EPHA4: variants seen among roughly 807,000 people sequenced by gnomAD.
EPHA4 encodes the protein EPH receptor A4.
A neutral mutation model predicts 108.3 loss-of-function variants in EPHA4; 19 were observed. That is an observed-to-expected ratio of 0.18 (90% confidence interval 0.12 to 0.26). The LOEUF is 0.26. Among genes scored for constraint, EPHA4 ranks in the 10% least tolerant of loss-of-function variants. The probability of loss-of-function intolerance (pLI) is 1.00; values close to 1 mark genes in which losing one functional copy is unlikely to be tolerated. For missense variants in EPHA4, 917 were observed against 1,254.0 expected (o/e 0.73, Z 4.06); for synonymous variants, 449 against 455.5 (o/e 0.99, Z 0.18).
In EPHA4 at chr2:221,563,993, A is replaced by C. The variant is rs1170306799; in HGVS notation, c.561T>G (p.Asp187Glu). 1 of 1,613,710 alleles carries C rather than the reference A, an allele frequency of 6.2e-7. No homozygotes were observed. Among genetic ancestry groups the C allele is most frequent in the Non-Finnish European group, 8.5e-7 (1 of 1,179,970 alleles). The change falls in exon 3 of 18, where the codon GAT (aspartate) becomes GAG (glutamate). Residue 187 changes from aspartate to glutamate, a missense_variant. Physicochemically the swap from Asp to Glu is conservative, Grantham distance 45 (BLOSUM62 2). Coordinates refer to ENST00000281821, the MANE Select transcript of EPHA4 (RefSeq NM_004438.5). ...ATACCAGGGCGATGCAGGCCCCCAC[A>C]TCCTGAAAAGCCAGGTAAAACCCCT... ...SKKGFYLAFQ[D>E]VGACIALVSV...
chr2:221,427,965 A>G (rs932442321), intron 15 of EPHA4, among the ~76,000 whole-genome samples: 3 of 152,108 alleles, frequency 2.0e-5, no homozygotes, highest in African/African-American at 7.2e-5. Flanking sequence ...TGTGTCCATT[A>G]TTTCAATATA....
chr2:221,420,294 T>C lies in EPHA4; in HGVS notation c.*1078A>G, dbSNP rs1371435379. On this transcript the variant is annotated 3_prime_UTR_variant, in exon 18 of 18. Transcript: ENST00000281821. ...AGAGCTGGTGCTGCGAGACAGTGCATTCCTCAGTGCAACTGGAGAACAGAT... is the reference window on the plus strand; with the variant it reads ...AGAGCTGGTGCTGCGAGACAGTGCACTCCTCAGTGCAACTGGAGAACAGAT... The C allele has an allele frequency of 1.3e-5, 2 of 152,688 alleles. No individual in the cohort carries two copies. The highest frequency in any genetic ancestry group is 4.8e-5 in the African/African-American group (2 of 41,464). The allele number at this position is 152,688 out of a possible 1,614,324, so 9.5% of individuals were successfully genotyped here.
At position 221,426,629 on chromosome 2, in the gene EPHA4, G is replaced by A. The variant is rs750621650; in HGVS notation, c.2691-10C>T. 2 of 1,608,642 alleles carry A rather than the reference G, an allele frequency of 1.2e-6. No individual in the cohort carries two copies. Among genetic ancestry groups the A allele is most frequent in the Non-Finnish European group, 8.5e-7 (1 of 1,178,636 alleles). On this transcript the variant is annotated splice_polypyrimidine_tract_variant and intron_variant, in intron 15 of 17. Transcript: ENST00000281821. Reference sequence around the variant, plus strand: ...CAAGGCAGTGTTAGGTCTAGAAAGAGAACAAGAAAATATAAGCAGAACGGA... The same window carrying A: ...CAAGGCAGTGTTAGGTCTAGAAAGAAAACAAGAAAATATAAGCAGAACGGA...
chr2:221,461,575 G>T (rs1318794194), intron 5 of EPHA4, among the ~76,000 whole-genome samples: 3 of 152,084 alleles, frequency 2.0e-5, no homozygotes, highest in Non-Finnish European at 4.4e-5. Flanking sequence ...ATAGAGACAA[G>T]GTTCTTCCTC....
In EPHA4 at chr2:221,436,746, G is replaced by C. The variant is rs878868391; in HGVS notation, c.2137-138C>G. The stretch of plus-strand genomic sequence containing the variant: ...CTCAACATTATTTCCAGGCCTTTCT[G>C]ACCAAAGTCGCTAATTCACTAGTAG... On this transcript the variant is annotated intron_variant, in intron 12 of 17. Coordinates refer to ENST00000281821, the MANE Select transcript of EPHA4 (RefSeq NM_004438.5). 2.9e-4 allele frequency: 271 copies of C among 923,680 alleles called. 6 individuals are homozygous for C. In the South Asian group the frequency reaches 3.6e-3, roughly 12 times the overall value. The allele number at this position is 923,680 out of a possible 1,614,324, so 57.2% of individuals were successfully genotyped here.
At chr2:221,439,330 C>CAAAAA (rs56154778) in intron 11 of EPHA4, among the ~76,000 whole-genome samples, 1 of 129,426 alleles carries the variant, frequency 7.7e-6, no homozygotes, top group Non-Finnish European at 1.7e-5. Flanking sequence ...GTTTTCTACT[C>CAAAAA]AAAAAAAAAA....
intron 3 of EPHA4, among the ~76,000 whole-genome samples, chr2:221,561,427 A>T (rs1694461289): frequency 6.6e-6 from 1 of 152,300 alleles, no homozygotes; most frequent in East Asian, 1.9e-4. Flanking sequence ...ATTAGCAGAA[A>T]AAAAAGCAAA....
chr2:221,538,354 G>A (rs73089647), intron 3 of EPHA4, among the ~76,000 whole-genome samples: 251 of 152,274 alleles, frequency 1.6e-3, no homozygotes, highest in African/African-American at 5.8e-3. Context: ...AAAATCAATT[G>A]AATTATATAT....
At chr2:221,568,605 C>A in intron 2 of EPHA4, 113 bp downstream of exon 2, 3 of 755,298 alleles carry the variant, frequency 4.0e-6, no homozygotes, top group South Asian at 2.0e-5. Context: ...TAGGCCACAG[C>A]GGAAATCTGA....
intron 3 of EPHA4, among the ~76,000 whole-genome samples, chr2:221,557,475 A>G (rs1038887586): frequency 6.6e-6 from 1 of 152,208 alleles, no homozygotes. Context: ...ATTCATGCAT[A>G]TATGTGTGTC....
At chr2:221,438,476 T>A (rs1425514536) in intron 11 of EPHA4, among the ~76,000 whole-genome samples, 1 of 152,114 alleles carries the variant, frequency 6.6e-6, no homozygotes, top group Non-Finnish European at 1.5e-5. Context: ...AAATAAAATG[T>A]CAGTTTGATA....
At position 221,544,645 on chromosome 2, in the gene EPHA4, T is replaced by C. The variant is rs560933470; in HGVS notation, c.823+19086A>G. ...CTACAGGCTTGTTCACAACCTTTTATGAAAAAAGAAGAAATACATGAATGT... is the reference window on the plus strand; with the variant it reads ...CTACAGGCTTGTTCACAACCTTTTACGAAAAAAGAAGAAATACATGAATGT... On this transcript the variant is annotated intron_variant, in intron 3 of 17. Coordinates refer to ENST00000281821, the MANE Select transcript of EPHA4 (RefSeq NM_004438.5). 1.0e-3 allele frequency among the ~76,000 whole-genome samples: 154 copies of C among 152,150 alleles called. 1 individual carries two copies. Among genetic ancestry groups the C allele is most frequent in the Non-Finnish European group, 1.5e-3 (103 of 67,980 alleles).
At chr2:221,498,387 T>C (rs1474840983) in intron 4 of EPHA4, among the ~76,000 whole-genome samples, 2 of 152,216 alleles carry the variant, frequency 1.3e-5, no homozygotes, top group Admixed American at 1.3e-4. Flanking sequence ...GTGCCCCAGA[T>C]TCCTACAAGA....
chr2:221,501,774 A>T (rs1395740788), intron 3 of EPHA4, among the ~76,000 whole-genome samples: 1 of 152,216 alleles, frequency 6.6e-6, no homozygotes, highest in Non-Finnish European at 1.5e-5. Context: ...GAAAGAACCA[A>T]ATCGAAAGAT....
At chr2:221,481,744 T>C (rs1691826615) in intron 5 of EPHA4, among the ~76,000 whole-genome samples, 1 of 152,102 alleles carries the variant, frequency 6.6e-6, no homozygotes, top group African/African-American at 2.4e-5. Flanking sequence ...TACATGGAGG[T>C]TCTAGTATAG....
At chr2:221,466,375 A>T (rs150395975) in intron 5 of EPHA4, among the ~76,000 whole-genome samples, 1 of 152,336 alleles carries the variant, frequency 6.6e-6, no homozygotes, top group East Asian at 1.9e-4. Context: ...GAAAGGAGCA[A>T]ATCAGATGCC....
intron 8 of EPHA4, among the ~76,000 whole-genome samples, chr2:221,454,445 A>G (rs1366880270): frequency 6.6e-6 from 1 of 152,194 alleles, no homozygotes; most frequent in Admixed American, 6.5e-5. Flanking sequence ...GCCTACCACT[A>G]TGGCAATGCG....
chr2:221,512,895 C>A (rs928819638), intron 3 of EPHA4, among the ~76,000 whole-genome samples: 5 of 152,174 alleles, frequency 3.3e-5, no homozygotes, highest in African/African-American at 4.8e-5. Flanking sequence ...AGGAAGCAGA[C>A]CACTGCTTCC....
At chr2:221,503,472 A>C (rs1185388611) in intron 3 of EPHA4, among the ~76,000 whole-genome samples, 3 of 152,240 alleles carry the variant, frequency 2.0e-5, no homozygotes, top group Admixed American at 2.0e-4. Flanking sequence ...ATTTCATTAA[A>C]TTTCTTACAG....
Sources: allele counts gnomAD v4.1 joint callset (sites outside exome capture counted in the v4.1 genomes callset), GRCh38; gene constraint gnomAD v4.1.1; transcripts MANE v1.5; gene names NCBI Gene and HGNC (gene_info 2026-07-23, HGNC 2026-07-21).